The following RGS6 variants were observed in gnomAD, a reference collection of about 807,000 sequenced individuals.
RGS6 encodes the protein regulator of G protein signaling 6.
A neutral mutation model predicts 78.5 loss-of-function variants in RGS6; 30 were observed. The observed-to-expected ratio is 0.38, with a 90% CI of 0.29 to 0.52. RGS6 has a LOEUF of 0.52. RGS6 is among the 20% of genes least tolerant of loss of function. The pLI, the probability that RGS6 is intolerant of heterozygous loss-of-function variation, is 0.85. For missense variants in RGS6, 495 were observed against 609.7 expected (o/e 0.81, Z 1.98); for synonymous variants, 206 against 206.0 (o/e 1.00, Z 0.00).
At chr14:72,552,725 A>AG in intron 17 of RGS6, 1 of 152,340 alleles carries the variant, frequency 6.6e-6, no homozygotes, top group South Asian at 2.1e-4. Context: ...AGCACGTGGC[A>AG]GGGGATGCTT....
chr14:71,987,944 G>A (rs1376512370), intron 2 of RGS6, among the ~76,000 whole-genome samples: 1 of 152,174 alleles, frequency 6.6e-6, no homozygotes, highest in Non-Finnish European at 1.5e-5. Flanking sequence ...GAGAGAAAGT[G>A]CTGGCATATC....
chr14:72,181,390 A>G (rs993515347), intron 2 of RGS6, among the ~76,000 whole-genome samples: 3 of 152,256 alleles, frequency 2.0e-5, no homozygotes, highest in African/African-American at 7.2e-5. Flanking sequence ...CTTCCTGATC[A>G]TAAGGTGCTG....
At chr14:72,383,862 G>A (rs1313272984) in intron 3 of RGS6, among the ~76,000 whole-genome samples, 2 of 152,148 alleles carry the variant, frequency 1.3e-5, no homozygotes, top group Non-Finnish European at 2.9e-5. Context: ...TTGATCTGCT[G>A]TATGTTATCA....
chr14:72,273,132 C>CAAA (rs776425541), intron 2 of RGS6, among the ~76,000 whole-genome samples: 1 of 122,870 alleles, frequency 8.1e-6, no homozygotes. Flanking sequence ...AACTCCATCT[C>CAAA]AAAAAAAAAA....
intron 2 of RGS6, among the ~76,000 whole-genome samples, chr14:72,293,594 T>G: frequency 6.6e-6 from 1 of 152,170 alleles, no homozygotes; most frequent in East Asian, 1.9e-4. Flanking sequence ...CCATATATTC[T>G]TAGAATCCAT....
At chr14:72,412,245 G>T (rs554807978) in intron 3 of RGS6, among the ~76,000 whole-genome samples, 92 of 152,248 alleles carry the variant, frequency 6.0e-4, no homozygotes, top group Middle Eastern at 3.4e-3. Context: ...CAATTTGAGA[G>T]CCTGTTATTG....
chr14:72,269,061 C>T (rs1456413880), intron 2 of RGS6, among the ~76,000 whole-genome samples: 3 of 152,136 alleles, frequency 2.0e-5, no homozygotes, highest in Non-Finnish European at 4.4e-5. Flanking sequence ...TTCTGTTTCT[C>T]TTGTATCTTT....
At chr14:72,356,225 C>T (rs2080241072) in intron 3 of RGS6, among the ~76,000 whole-genome samples, 1 of 151,884 alleles carries the variant, frequency 6.6e-6, no homozygotes, top group African/African-American at 2.4e-5. Context: ...AGGTGATTAG[C>T]TCATGGGGAA....
At chr14:72,569,111 GGTGTGTGTGTGTGT>G (rs35508602), downstream of RGS6, among the ~76,000 whole-genome samples, 5 of 137,510 alleles carry the variant, frequency 3.6e-5, no homozygotes, top group East Asian at 2.4e-4. Flanking sequence ...GATTCTCTGG[GGTGTGTGTGTGTGT>G]GTGTGTGTGT....
chr14:72,302,429 G>A (rs567672547), intron 2 of RGS6, among the ~76,000 whole-genome samples: 7 of 152,302 alleles, frequency 4.6e-5, no homozygotes, highest in Non-Finnish European at 7.3e-5. Context: ...GCAAAAGTTC[G>A]TTGTCACTAA....
At chr14:71,975,925 A>G (rs987579694) in intron 2 of RGS6, among the ~76,000 whole-genome samples, 1 of 152,102 alleles carries the variant, frequency 6.6e-6, no homozygotes, top group Non-Finnish European at 1.5e-5. Context: ...TTTGTGCTTC[A>G]ACATGGATAT....
intron 2 of RGS6, among the ~76,000 whole-genome samples, chr14:72,155,614 G>C (rs1392990446): frequency 6.6e-6 from 1 of 152,184 alleles, no homozygotes; most frequent in African/African-American, 2.4e-5. Context: ...ATTATTAGTG[G>C]TTTGGATTCT....
intron 8 of RGS6, among the ~76,000 whole-genome samples, chr14:72,471,771 G>A (rs568181435): frequency 6.6e-6 from 1 of 152,354 alleles, no homozygotes; most frequent in East Asian, 1.9e-4. Context: ...TGCCCCCGAA[G>A]AGGTGCAGGT....
intron 2 of RGS6, among the ~76,000 whole-genome samples, chr14:72,244,298 T>G (rs1035758855): frequency 1.3e-5 from 2 of 151,934 alleles, no homozygotes; most frequent in Non-Finnish European, 2.9e-5. Flanking sequence ...CATTTCAGGC[T>G]TTTGTTGCTT....
chr14:72,402,915 A>G (rs982747479), intron 3 of RGS6, among the ~76,000 whole-genome samples: 2 of 144,014 alleles, frequency 1.4e-5, no homozygotes, highest in African/African-American at 5.2e-5. Context: ...TCCTGCCTCA[A>G]CCTCCCCAGT....
intron 3 of RGS6, among the ~76,000 whole-genome samples, chr14:72,442,401 C>T (rs2095237710): frequency 6.6e-6 from 1 of 152,074 alleles, no homozygotes. Context: ...CCATTGATCC[C>T]AAGTGTGTCC....
intron 1 of RGS6, among the ~76,000 whole-genome samples, chr14:71,956,053 T>C (rs1397829141): frequency 2.6e-5 from 4 of 152,194 alleles, no homozygotes; most frequent in East Asian, 1.9e-4. Flanking sequence ...GGAAAAGATA[T>C]GACATAGCCA....
chr14:71,920,714 T>TAAC, the RGS6 span, among the ~76,000 whole-genome samples: 1 of 152,262 alleles, frequency 6.6e-6, no homozygotes, highest in African/African-American at 2.4e-5. Context: ...TTTTAAATAC[T>TAAC]AACTGCCTGC....
At chr14:72,047,898 GTTTT>G (rs869098348) in intron 2 of RGS6, among the ~76,000 whole-genome samples, 9 of 29,642 alleles carry the variant, frequency 3.0e-4, no homozygotes, top group South Asian at 1.9e-3. Flanking sequence ...GCTAATTTTT[GTTTT>G]TTTTTTTTTT....
Sources: allele counts gnomAD v4.1 joint callset (sites outside exome capture counted in the v4.1 genomes callset), GRCh38; gene constraint gnomAD v4.1.1; transcripts MANE v1.5; gene names NCBI Gene and HGNC (gene_info 2026-07-23, HGNC 2026-07-21).